The following VTI1A variants were observed in gnomAD, a reference collection of about 807,000 sequenced individuals.
VTI1A encodes vesicle transport through interaction with t-SNAREs homolog 1A.
In VTI1A, 22 loss-of-function variants were observed where a neutral mutation model predicts 34.9. The observed-to-expected ratio is 0.63, with a 90% CI of 0.45 to 0.90. VTI1A has a LOEUF of 0.90. Ranked by LOEUF, VTI1A falls within the 40% of genes least tolerant of loss-of-function variation. The pLI is 0.00. For missense variants in VTI1A, 268 were observed against 275.6 expected (o/e 0.97, Z 0.20); for synonymous variants, 87 against 97.3 (o/e 0.89, Z 0.62).
chr10:112,634,548 C>T (rs548169428), intron 5 of VTI1A, among the ~76,000 whole-genome samples: 8 of 135,270 alleles, frequency 5.9e-5, no homozygotes, highest in African/African-American at 1.1e-4. Flanking sequence ...CACACACACA[C>T]GAATTTCATG....
chr10:112,762,395 C>T (rs932003628), intron 7 of VTI1A, among the ~76,000 whole-genome samples: 4 of 151,978 alleles, frequency 2.6e-5, no homozygotes, highest in Non-Finnish European at 4.4e-5. Flanking sequence ...TCCAGAAACA[C>T]GAAGACAGAG....
In VTI1A at chr10:112,591,518, T is replaced by TCACACA. The variant is rs61256241; in HGVS notation, c.427+53203_427+53208dup. On this transcript the variant is annotated intron_variant, in intron 5 of 7. Coordinates refer to ENST00000393077, the MANE Select transcript of VTI1A (RefSeq NM_145206.4). ...CTGGGTGACAGAGTGAGACTCCGTC[T>TCACACA]CACACACACACACACACACAAAACG... Among the ~76,000 whole-genome samples the TCACACA allele has an allele frequency of 2.1e-3, 323 of 150,538 alleles. 1 individual carries two copies. Among genetic ancestry groups the TCACACA allele is most frequent in the African/African-American group, 6.8e-3 (280 of 41,116 alleles).
intron 5 of VTI1A, 184 bp downstream of exon 5, chr10:112,538,514 T>G: frequency 1.8e-6 from 1 of 565,108 alleles, no homozygotes. Context: ...GCATGACATC[T>G]ACTGAAAACA....
chr10:112,576,150 A>G (rs750209709), intron 5 of VTI1A, among the ~76,000 whole-genome samples: 58 of 151,252 alleles, frequency 3.8e-4, no homozygotes, highest in Non-Finnish European at 6.8e-4. Flanking sequence ...CCTCCTGAGT[A>G]GCTGGGACTA....
At chr10:112,582,151 C>T (rs1216091799) in intron 5 of VTI1A, among the ~76,000 whole-genome samples, 1 of 152,118 alleles carries the variant, frequency 6.6e-6, no homozygotes, top group Non-Finnish European at 1.5e-5. Flanking sequence ...GGTGAGGACT[C>T]TCTTCCTGGC....
chr10:112,780,613 ATCTGATTTAACCCG>A (rs1268824919), intron 7 of VTI1A, among the ~76,000 whole-genome samples: 9 of 152,080 alleles, frequency 5.9e-5, no homozygotes, highest in African/African-American at 1.9e-4. Context: ...AATATGCATA[ATCTGATTTAACCCG>A]TGTGTTAACC....
At chr10:112,629,846 G>C (rs1468540829) in intron 5 of VTI1A, among the ~76,000 whole-genome samples, 1 of 152,116 alleles carries the variant, frequency 6.6e-6, no homozygotes, top group Non-Finnish European at 1.5e-5. Flanking sequence ...AGCCTCATAT[G>C]AGCCAAATCT....
At chr10:112,742,448 TTTGAGATGTGG>T (rs1850725007) in intron 7 of VTI1A, among the ~76,000 whole-genome samples, 2 of 152,354 alleles carry the variant, frequency 1.3e-5, no homozygotes, top group South Asian at 4.1e-4. Context: ...GAAACTCAGC[TTTGAGATGTGG>T]TTGTATCCCT....
intron 3 of VTI1A, among the ~76,000 whole-genome samples, chr10:112,522,928 C>T (rs574075266): frequency 7.9e-5 from 12 of 152,138 alleles, no homozygotes; most frequent in Admixed American, 2.6e-4. Context: ...GCCATGTGCA[C>T]GCCATGGAAA....
chr10:112,786,294 T>A (rs1411186642), intron 7 of VTI1A, among the ~76,000 whole-genome samples: 1 of 152,230 alleles, frequency 6.6e-6, no homozygotes, highest in Admixed American at 6.5e-5. Flanking sequence ...ATTCTCATCT[T>A]GTGACCTTGC....
intron 5 of VTI1A, among the ~76,000 whole-genome samples, chr10:112,661,084 G>T (rs958272068): frequency 6.6e-6 from 1 of 152,158 alleles, no homozygotes; most frequent in African/African-American, 2.4e-5. Flanking sequence ...GGGTTCAAGT[G>T]ATTCTCCCAC....
intron 7 of VTI1A, among the ~76,000 whole-genome samples, chr10:112,754,238 T>C (rs1851202669): frequency 6.6e-6 from 1 of 152,184 alleles, no homozygotes; most frequent in South Asian, 2.1e-4. Context: ...GTTTTTGTTA[T>C]TACTTGATTT....
At chr10:112,670,647 A>G (rs1847814361) in intron 7 of VTI1A, among the ~76,000 whole-genome samples, 1 of 152,166 alleles carries the variant, frequency 6.6e-6, no homozygotes, top group African/African-American at 2.4e-5. Flanking sequence ...AAGCACAAAC[A>G]ACTTCTGCAA....
At chr10:112,679,764 GAAAA>G (rs60672461) in intron 7 of VTI1A, among the ~76,000 whole-genome samples, 5 of 138,422 alleles carry the variant, frequency 3.6e-5, no homozygotes, top group Non-Finnish European at 7.9e-5. Context: ...GTGATGAGGG[GAAAA>G]AAAAAAAAAC....
At chr10:112,650,669 G>T (rs1224658239) in intron 5 of VTI1A, among the ~76,000 whole-genome samples, 2 of 152,156 alleles carry the variant, frequency 1.3e-5, no homozygotes, top group Admixed American at 6.5e-5. Context: ...AATGCATTGT[G>T]CTACGATGTT....
At chr10:112,640,943 T>G (rs1846544907) in intron 5 of VTI1A, among the ~76,000 whole-genome samples, 2 of 152,198 alleles carry the variant, frequency 1.3e-5, no homozygotes, top group African/African-American at 4.8e-5. Context: ...ATTACTCTAT[T>G]TATATCTCAG....
intron 7 of VTI1A, among the ~76,000 whole-genome samples, chr10:112,770,608 G>T (rs960413791): frequency 1.3e-5 from 2 of 150,460 alleles, no homozygotes; most frequent in Non-Finnish European, 3.0e-5. Flanking sequence ...GGGTTTCACC[G>T]TGTTAGCCAG....
chr10:112,717,000 GT>G (rs1293333691), intron 7 of VTI1A, among the ~76,000 whole-genome samples: 1 of 152,192 alleles, frequency 6.6e-6, no homozygotes, highest in African/African-American at 2.4e-5. Flanking sequence ...AGCAAACATA[GT>G]TGGAGTAAGA....
At chr10:112,748,913 G>A (rs943389757) in intron 7 of VTI1A, among the ~76,000 whole-genome samples, 9 of 152,144 alleles carry the variant, frequency 5.9e-5, no homozygotes, top group African/African-American at 2.2e-4. Context: ...ACAGGCGTGA[G>A]CCACTGCTCC....
Sources: gnomAD v4.1 joint callset for allele counts (sites outside exome capture counted in the v4.1 genomes callset) on GRCh38, gnomAD v4.1.1 for gene constraint, MANE v1.5 for transcripts, NCBI Gene and HGNC (gene_info 2026-07-23, HGNC 2026-07-21) for gene names.